The following CDH12 variants were observed in gnomAD, a reference collection of about 807,000 sequenced individuals.
CDH12 encodes cadherin-12.
CDH12 carries 41 observed loss-of-function variants against 74.1 expected under a neutral mutation model. The observed-to-expected ratio is 0.55, with a 90% CI of 0.43 to 0.72. The LOEUF (loss-of-function observed/expected upper bound fraction) is 0.72, where lower values mean the gene tolerates loss of function less well. CDH12 is among the 30% of genes least tolerant of loss of function. CDH12 has a pLI of 0.00. For missense variants in CDH12, 945 were observed against 977.2 expected (o/e 0.97, Z 0.44); for synonymous variants, 399 against 355.0 (o/e 1.12, Z -1.39).
At chr5:22,737,223 C>T (rs1744774945) in intron 1 of CDH12, among the ~76,000 whole-genome samples, 2 of 151,814 alleles carry the variant, frequency 1.3e-5, no homozygotes, top group South Asian at 4.1e-4. Flanking sequence ...TGAATATAGG[C>T]ATGATTCTTT....
intron 1 of CDH12, among the ~76,000 whole-genome samples, chr5:22,736,494 T>C (rs2127011044): frequency 6.6e-6 from 1 of 151,960 alleles, no homozygotes; most frequent in South Asian, 2.1e-4. Context: ...TTAATAGCAT[T>C]CTTTATATGC....
chr5:22,166,441 T>A (rs1403147734), intron 4 of CDH12, among the ~76,000 whole-genome samples: 3 of 152,178 alleles, frequency 2.0e-5, no homozygotes, highest in Non-Finnish European at 4.4e-5. Flanking sequence ...AGTAGTTGAT[T>A]AAGATTATTT....
intron 1 of CDH12, among the ~76,000 whole-genome samples, chr5:22,640,145 T>C (rs1739070568): frequency 6.6e-6 from 1 of 152,162 alleles, no homozygotes; most frequent in African/African-American, 2.4e-5. Context: ...TTCTCTGATA[T>C]GGATCCACTC....
intron 1 of CDH12, among the ~76,000 whole-genome samples, chr5:22,559,228 G>T (rs932271260): frequency 1.3e-5 from 2 of 151,852 alleles, no homozygotes; most frequent in Non-Finnish European, 2.9e-5. Flanking sequence ...TAGCTAGGCT[G>T]GTTGTACAGG....
At chr5:21,851,987 AT>A (rs1750491132) in intron 7 of CDH12, among the ~76,000 whole-genome samples, 2 of 151,552 alleles carry the variant, frequency 1.3e-5, no homozygotes, top group South Asian at 4.1e-4. Context: ...AAAATTTCAG[AT>A]AATATTAGTT....
intron 3 of CDH12, among the ~76,000 whole-genome samples, chr5:22,397,993 A>C (rs1348630706): frequency 6.6e-6 from 1 of 152,110 alleles, no homozygotes; most frequent in Non-Finnish European, 1.5e-5. Context: ...CCAGGATTTT[A>C]ATAAAATGAA....
intron 1 of CDH12, among the ~76,000 whole-genome samples, chr5:22,758,926 C>T (rs1746068378): frequency 1.3e-5 from 2 of 152,178 alleles, no homozygotes; most frequent in Admixed American, 1.3e-4. Flanking sequence ...TTTCCAACCT[C>T]ATTCCATCAG....
intron 3 of CDH12, among the ~76,000 whole-genome samples, chr5:22,342,184 C>T (rs1215462025): frequency 6.6e-6 from 1 of 152,084 alleles, no homozygotes; most frequent in African/African-American, 2.4e-5. Context: ...CAATATCTCC[C>T]AAAGGTCCCA....
At chr5:21,882,869 T>C in intron 6 of CDH12, 1 of 1,596,278 alleles carries the variant, frequency 6.3e-7, no homozygotes, top group Non-Finnish European at 8.6e-7. Context: ...ATAAAAACAT[T>C]GGAGCTAAAC....
chr5:22,107,819 T>C lies in CDH12; in HGVS notation c.-186-28957A>G, dbSNP rs1744570689. Among the ~76,000 whole-genome samples the C allele has an allele frequency of 2.0e-5, 3 of 152,124 alleles. No individual in the cohort carries two copies. The South Asian group carries it at 6.2e-4, about 31-fold the overall frequency. ...AGATACACACGAAGATTTTTATCAT[T>C]ATATTTTTTGTTGTAACAAATAGAA... On this transcript the variant is annotated intron_variant, in intron 4 of 14. Transcript: ENST00000382254.
At chr5:21,878,599 C>T (rs1262380326) in intron 6 of CDH12, among the ~76,000 whole-genome samples, 1 of 136,326 alleles carries the variant, frequency 7.3e-6, no homozygotes, top group African/African-American at 2.7e-5. Flanking sequence ...AAAAATTAGC[C>T]AGGCATGGTG....
chr5:22,171,960 G>A (rs1253279189), intron 4 of CDH12, among the ~76,000 whole-genome samples: 9 of 151,894 alleles, frequency 5.9e-5, no homozygotes, highest in African/African-American at 2.2e-4. Context: ...AGTGAGAAAG[G>A]TAACCTGAGT....
intron 1 of CDH12, among the ~76,000 whole-genome samples, chr5:22,766,299 T>C (rs955223143): frequency 1.3e-5 from 2 of 152,034 alleles, no homozygotes; most frequent in African/African-American, 4.8e-5. Context: ...CACAAAGACA[T>C]GCATAAGAAC....
intron 3 of CDH12, among the ~76,000 whole-genome samples, chr5:22,231,544 A>G (rs1752385339): frequency 6.6e-6 from 1 of 152,080 alleles, no homozygotes; most frequent in Non-Finnish European, 1.5e-5. Context: ...TTTATTTAGT[A>G]GGTACCAAGA....
intron 6 of CDH12, among the ~76,000 whole-genome samples, chr5:21,932,072 C>T (rs1754865319): frequency 6.6e-6 from 1 of 152,088 alleles, no homozygotes; most frequent in African/African-American, 2.4e-5. Flanking sequence ...TTAAGTTTTA[C>T]AAAACAACAT....
At chr5:22,496,729 A>C (rs539023872) in intron 2 of CDH12, among the ~76,000 whole-genome samples, 1 of 152,278 alleles carries the variant, frequency 6.6e-6, no homozygotes, top group East Asian at 1.9e-4. Flanking sequence ...ATTCATCAGC[A>C]GCAATTGACC....
At chr5:22,794,952 C>CATATAT (rs752321372) in intron 1 of CDH12, among the ~76,000 whole-genome samples, 1 of 150,488 alleles carries the variant, frequency 6.6e-6, no homozygotes. Context: ...ATACATATGT[C>CATATAT]ATATATATAT....
intron 1 of CDH12, among the ~76,000 whole-genome samples, chr5:22,671,265 G>T (rs1324819231): frequency 1.3e-5 from 2 of 152,116 alleles, no homozygotes. Flanking sequence ...CTGTGTGTGT[G>T]TGTAGAGTAG....
chr5:22,318,628 G>A (rs1738729874), intron 3 of CDH12, among the ~76,000 whole-genome samples: 1 of 152,212 alleles, frequency 6.6e-6, no homozygotes, highest in African/African-American at 2.4e-5. Flanking sequence ...TGTACCTGAA[G>A]CCATTGCCTT....
Sources: allele counts gnomAD v4.1 joint callset (sites outside exome capture counted in the v4.1 genomes callset), GRCh38; gene constraint gnomAD v4.1.1; transcripts MANE v1.5; gene names NCBI Gene and HGNC (gene_info 2026-07-23, HGNC 2026-07-21).